Variants in BAZ1A observed in about 807,000 individuals in gnomAD.
BAZ1A encodes the protein bromodomain adjacent to zinc finger domain protein 1A.
In BAZ1A, 50 loss-of-function variants were observed where a neutral mutation model predicts 185.2. The ratio of observed to expected loss-of-function variants is 0.27; its 90% CI spans 0.22 to 0.34. The LOEUF is 0.34. Among genes scored for constraint, BAZ1A ranks in the 10% least tolerant of loss-of-function variants. The probability of loss-of-function intolerance (pLI) is 1.00; values close to 1 mark genes in which losing one functional copy is unlikely to be tolerated. For synonymous variants in BAZ1A, 571 were observed against 615.6 expected (o/e 0.93, Z 1.07); for missense variants, 1,356 against 1,839.9 (o/e 0.74, Z 4.81).
chr14:34,756,410 T>TG lies in BAZ1A; in HGVS notation c.4387-1497dup, dbSNP rs1555336566. Among the ~76,000 whole-genome samples the TG allele has an allele frequency of 2.0e-5, 3 of 148,976 alleles. No individual in the cohort carries two copies. In the Admixed American group the frequency reaches 2.0e-4, roughly 10 times the overall value. ...GATCACAGGCATGAGCCACTGTGCC[T>TG]GGCCCTAAACTGTTGAGATTACAGG... is the stretch of plus-strand genomic sequence containing the variant. On this transcript the variant is annotated intron_variant, in intron 25 of 26. Transcript: ENST00000360310.
chr14:34,755,040 C>G (rs970866930), intron 25 of BAZ1A, 126 bp from the exon 26 acceptor site: 6 of 580,768 alleles, frequency 1.0e-5, no homozygotes, highest in African/African-American at 7.5e-5. Context: ...TTGCTCATGA[C>G]TCTCTCCTCT....
At chr14:34,784,296 A>G in intron 14 of BAZ1A, among the ~76,000 whole-genome samples, 1 of 126,078 alleles carries the variant, frequency 7.9e-6, no homozygotes, top group African/African-American at 3.1e-5. Flanking sequence ...TGAACCCGGG[A>G]GGCGGAGGTT....
chr14:34,821,704 G>C (rs1162860470), intron 4 of BAZ1A, among the ~76,000 whole-genome samples: 1 of 152,212 alleles, frequency 6.6e-6, no homozygotes, highest in African/African-American at 2.4e-5. Flanking sequence ...ATAATTGTGA[G>C]CCAGGCAGGG....
chr14:34,875,324 C>G lies in BAZ1A; in HGVS notation c.-245G>C. 2 of 456,066 alleles carry G rather than the reference C, an allele frequency of 4.4e-6. No individual in the cohort carries two copies. Among genetic ancestry groups the G allele is most frequent in the Admixed American group, 2.3e-5 (1 of 42,582 alleles). The allele number at this position is 456,066 out of a possible 1,614,324, so 28.3% of individuals were successfully genotyped here. ...ACCGCCACTTCCCCGCCTCTCGGAG[C>G]TCCTGGGAAGTTTCTGATCTACTTT... On this transcript the variant is annotated 5_prime_UTR_variant, in exon 1 of 27. Transcript: ENST00000360310.
At chr14:34,803,066 G>T (rs1881655379) in intron 6 of BAZ1A, 78 bp from the exon 7 acceptor site, 3 of 1,393,160 alleles carry the variant, frequency 2.2e-6, no homozygotes, top group Non-Finnish European at 2.0e-6. Flanking sequence ...CATGTCATAT[G>T]GCCACTATTA....
chr14:34,780,380 T>C, intron 16 of BAZ1A, 70 bp from the exon 17 acceptor site: 2 of 1,493,402 alleles, frequency 1.3e-6, no homozygotes, highest in African/African-American at 2.8e-5. Flanking sequence ...ATTTATTGCT[T>C]GCTTATGAAG....
At chr14:34,833,713 T>G (rs1413741218) in intron 3 of BAZ1A, among the ~76,000 whole-genome samples, 2 of 152,126 alleles carry the variant, frequency 1.3e-5, no homozygotes, top group African/African-American at 4.8e-5. Flanking sequence ...GAGTTATTGC[T>G]TAATAGCTAC....
rs2042973564 is a variant in BAZ1A at position 34,872,932 on chromosome 14, A to ACAAAAACAAAAAC, written c.113+1559_113+1560insGTTTTTGTTTTTG. ...AAATCCTAAAAAAAAAAAAAAAAAA[A>ACAAAAACAAAAAC]AAAAAAAAACTTGTCCAATTACCTA... On this transcript the variant is annotated intron_variant, in intron 2 of 26. Coordinates refer to ENST00000360310, the MANE Select transcript of BAZ1A (RefSeq NM_013448.3). Among the ~76,000 whole-genome samples, 8 of 122,580 alleles carry ACAAAAACAAAAAC rather than the reference A, an allele frequency of 6.5e-5. No homozygotes were observed. The South Asian group carries it at 1.1e-3, about 16-fold the overall frequency. The allele number at this position is 122,580 out of a possible 152,430, so 80.4% of individuals were successfully genotyped here.
intron 3 of BAZ1A, among the ~76,000 whole-genome samples, chr14:34,836,549 G>A (rs935046712): frequency 6.6e-6 from 1 of 151,822 alleles, no homozygotes; most frequent in African/African-American, 2.4e-5. Flanking sequence ...CCGACCCTCT[G>A]TTTGGGTCTC....
chr14:34,787,131 G>T (rs1390749599), intron 12 of BAZ1A, among the ~76,000 whole-genome samples: 1 of 151,324 alleles, frequency 6.6e-6, no homozygotes, highest in Non-Finnish European at 1.5e-5. Flanking sequence ...GAGGTAGGCG[G>T]ATCACGAGGT....
At chr14:34,774,301 A>T in intron 19 of BAZ1A, 26 bp downstream of exon 19, 1 of 1,587,882 alleles carries the variant, frequency 6.3e-7, no homozygotes, top group Non-Finnish European at 8.5e-7. Flanking sequence ...AGATTAGACA[A>T]ACTAAAAATG....
chr14:34,789,482 G>A (rs1159200500), intron 12 of BAZ1A, among the ~76,000 whole-genome samples: 2 of 152,178 alleles, frequency 1.3e-5, no homozygotes, highest in Non-Finnish European at 2.9e-5. Context: ...AGAGAATATA[G>A]TTGAATTATA....
chr14:34,818,035 T>C (rs1290498639), intron 4 of BAZ1A, among the ~76,000 whole-genome samples: 1 of 152,196 alleles, frequency 6.6e-6, no homozygotes, highest in Non-Finnish European at 1.5e-5. Flanking sequence ...GATCCCTATA[T>C]GCCAATATTC....
intron 3 of BAZ1A, among the ~76,000 whole-genome samples, chr14:34,832,611 T>C (rs2042266068): frequency 6.6e-6 from 1 of 152,126 alleles, no homozygotes; most frequent in Non-Finnish European, 1.5e-5. Context: ...GAGATACGAC[T>C]TCACACTCAC....
chr14:34,826,147 A>G lies in BAZ1A; in HGVS notation c.402T>C (p.Cys134=). 1 of 1,610,010 alleles carries G rather than the reference A, an allele frequency of 6.2e-7. No individual in the cohort carries two copies. Among genetic ancestry groups the G allele is most frequent in the Non-Finnish European group, 8.5e-7 (1 of 1,178,940 alleles). Residue 134 remains cysteine (C), a synonymous_variant, in exon 4 of 27, where the codon TGT becomes TGC. Coordinates refer to ENST00000360310, the MANE Select transcript of BAZ1A (RefSeq NM_013448.3). ...ATGGAGGGAGGACTTCCAAAATCCT[A>G]CACTGCAACCTGAAATAAAATGATA... ...VIRNNGARLQ[C]RILEVLPPSH... is the part of the protein sequence containing the mutation.
chr14:34,786,473 G>A (rs1189915969), intron 12 of BAZ1A: 4 of 359,862 alleles, frequency 1.1e-5, no homozygotes, highest in East Asian at 1.1e-4. Context: ...CCAATGAGAC[G>A]CACATAAACA....
intron 16 of BAZ1A, among the ~76,000 whole-genome samples, chr14:34,780,570 G>C (rs1879970742): frequency 6.6e-6 from 1 of 152,146 alleles, no homozygotes; most frequent in Non-Finnish European, 1.5e-5. Context: ...GGATCAAAAA[G>C]GCTGGCTTGA....
At chr14:34,793,590 C>G (rs1390192030) in intron 11 of BAZ1A, among the ~76,000 whole-genome samples, 1 of 152,156 alleles carries the variant, frequency 6.6e-6, no homozygotes, top group Non-Finnish European at 1.5e-5. Context: ...GGGTGGATCA[C>G]GAGGTCAGGA....
At chr14:34,754,007 C>T (rs1886130083) in intron 26 of BAZ1A, among the ~76,000 whole-genome samples, 1 of 151,782 alleles carries the variant, frequency 6.6e-6, no homozygotes, top group African/African-American at 2.4e-5. Flanking sequence ...AATCCCAGCA[C>T]TTTGGGAGGC....
Sources: gnomAD v4.1 joint callset for allele counts (sites outside exome capture counted in the v4.1 genomes callset) on GRCh38, gnomAD v4.1.1 for gene constraint, MANE v1.5 for transcripts, NCBI Gene and HGNC (gene_info 2026-07-23, HGNC 2026-07-21) for gene names.